Variants in KSR2 observed in about 807,000 individuals in gnomAD.
The protein encoded by KSR2 is kinase suppressor of ras 2.
Under a neutral mutation model 107.8 loss-of-function variants are expected in KSR2, and 25 were observed. The observed-to-expected ratio is 0.23, with a 90% CI of 0.17 to 0.32. The LOEUF (loss-of-function observed/expected upper bound fraction) is 0.32. Ranked by LOEUF, KSR2 falls within the 10% of genes least tolerant of loss-of-function variation. The probability of loss-of-function intolerance (pLI) is 1.00; values close to 1 mark genes in which losing one functional copy is unlikely to be tolerated. For synonymous variants in KSR2, 480 were observed against 507.0 expected (o/e 0.95, Z 0.71); for missense variants, 887 against 1,268.9 (o/e 0.70, Z 4.57).
chr12:117,938,632 C>T (rs1235052619), intron 1 of KSR2, among the ~76,000 whole-genome samples: 3 of 151,580 alleles, frequency 2.0e-5, no homozygotes, highest in Non-Finnish European at 4.4e-5. Context: ...CCCCAATAGT[C>T]CTAACTACTC....
chr12:117,963,636 T>G (rs981645260), intron 1 of KSR2, among the ~76,000 whole-genome samples: 1 of 152,114 alleles, frequency 6.6e-6, no homozygotes, highest in South Asian at 2.1e-4. Flanking sequence ...TATACTTTTC[T>G]ATTGTATGCA....
intron 9 of KSR2, among the ~76,000 whole-genome samples, chr12:117,551,086 C>T (rs887669751): frequency 1.8e-4 from 28 of 152,220 alleles, no homozygotes; most frequent in Admixed American, 1.7e-3. Flanking sequence ...GATTCAGCCT[C>T]TGCCACTACT....
At chr12:117,748,294 G>C (rs1361139546) in intron 4 of KSR2, among the ~76,000 whole-genome samples, 3 of 152,140 alleles carry the variant, frequency 2.0e-5, no homozygotes, top group Non-Finnish European at 4.4e-5. Context: ...TGGCAGGAAG[G>C]AGGCAGTGGA....
chr12:117,824,729 C>T (rs1020753399), intron 3 of KSR2, among the ~76,000 whole-genome samples: 12 of 151,566 alleles, frequency 7.9e-5, no homozygotes, highest in Admixed American at 4.6e-4. Context: ...TGGTGGCAGG[C>T]GCCTGTAGTC....
chr12:117,621,189 GT>G (rs1345367049), intron 5 of KSR2, among the ~76,000 whole-genome samples: 1 of 152,112 alleles, frequency 6.6e-6, no homozygotes, highest in Non-Finnish European at 1.5e-5. Flanking sequence ...AGTTTTTCCT[GT>G]GCTTTCACAT....
At chr12:117,740,439 TAA>T (rs200838295) in intron 4 of KSR2, among the ~76,000 whole-genome samples, 1 of 81,638 alleles carries the variant, frequency 1.2e-5, no homozygotes, top group Non-Finnish European at 3.0e-5. Flanking sequence ...TATATTACAT[TAA>T]TATATGTATA....
At chr12:117,602,371 T>C (rs868280342) in intron 5 of KSR2, among the ~76,000 whole-genome samples, 8 of 152,348 alleles carry the variant, frequency 5.3e-5, no homozygotes, top group Middle Eastern at 3.4e-3. Flanking sequence ...CTGTACCCAC[T>C]AAGCGATCAT....
intron 14 of KSR2, among the ~76,000 whole-genome samples, chr12:117,503,964 C>T (rs547079170): frequency 2.0e-5 from 3 of 152,278 alleles, no homozygotes; most frequent in Admixed American, 6.5e-5. Context: ...TAGTTCTTTT[C>T]CAAATGCCCA....
intron 7 of KSR2, among the ~76,000 whole-genome samples, chr12:117,568,746 C>T (rs748803987): frequency 3.9e-5 from 6 of 152,198 alleles, no homozygotes; most frequent in African/African-American, 7.2e-5. Flanking sequence ...ATCATTATCA[C>T]ATCTAATCCC....
chr12:117,626,284 T>C (rs1407745736), intron 5 of KSR2, among the ~76,000 whole-genome samples: 1 of 152,206 alleles, frequency 6.6e-6, no homozygotes, highest in Non-Finnish European at 1.5e-5. Context: ...CTAGTTCTTT[T>C]AATTGTGATG....
chr12:117,887,304 G>C (rs899944582), intron 1 of KSR2, among the ~76,000 whole-genome samples: 3 of 151,746 alleles, frequency 2.0e-5, no homozygotes. Context: ...GTCTTGCTAT[G>C]TTGCCCAGGC....
intron 4 of KSR2, among the ~76,000 whole-genome samples, chr12:117,739,550 C>T (rs1367954474): frequency 6.6e-6 from 1 of 152,076 alleles, no homozygotes. Context: ...ATATCACTGG[C>T]CCTCGATAAT....
At chr12:117,592,449 G>A (rs1432509211) in intron 5 of KSR2, among the ~76,000 whole-genome samples, 1 of 152,034 alleles carries the variant, frequency 6.6e-6, no homozygotes, top group Non-Finnish European at 1.5e-5. Flanking sequence ...CCACCACCTG[G>A]TGTCTGAGAC....
At chr12:117,480,318 C>T (rs528400262) in intron 16 of KSR2, among the ~76,000 whole-genome samples, 13 of 152,248 alleles carry the variant, frequency 8.5e-5, no homozygotes, top group Middle Eastern at 3.4e-3. Flanking sequence ...GTGGTGACCA[C>T]GCCTGGCACG....
At chr12:117,718,796 A>G (rs540090161) in intron 4 of KSR2, among the ~76,000 whole-genome samples, 10 of 152,166 alleles carry the variant, frequency 6.6e-5, no homozygotes, top group Non-Finnish European at 1.3e-4. Context: ...ACATGCCAAC[A>G]CCAGCTCTGG....
chr12:117,949,714 C>A (rs1896303880), intron 1 of KSR2, among the ~76,000 whole-genome samples: 1 of 152,144 alleles, frequency 6.6e-6, no homozygotes. Flanking sequence ...CAAAATTCAT[C>A]TATGGTGGAA....
At chr12:117,888,451 G>C (rs1459518867) in intron 1 of KSR2, among the ~76,000 whole-genome samples, 1 of 152,182 alleles carries the variant, frequency 6.6e-6, no homozygotes, top group African/African-American at 2.4e-5. Context: ...CTGAATGTGT[G>C]TCCCCAAAAG....
At position 117,620,945 on chromosome 12, in the gene KSR2, T is replaced by A. The variant is rs541495376; in HGVS notation, c.1172-38586A>T. Among the ~76,000 whole-genome samples, 128 of 152,260 alleles carry A rather than the reference T, an allele frequency of 8.4e-4. 1 individual carries two copies. Among genetic ancestry groups the A allele is most frequent in the African/African-American group, 3.0e-3 (124 of 41,570 alleles). On this transcript the variant is annotated intron_variant, in intron 5 of 19. Coordinates refer to ENST00000339824, the MANE Select transcript of KSR2 (RefSeq NM_173598.6). Reference sequence around the variant, plus strand: ...TAGTAAGCCCCTTCCATCTGTAAATTACTGTGGGAATATTAGAGGATATAT... The same window carrying A: ...TAGTAAGCCCCTTCCATCTGTAAATAACTGTGGGAATATTAGAGGATATAT...
At chr12:117,469,605 G>C in intron 19 of KSR2, 57 bp downstream of exon 19, 1 of 1,586,096 alleles carries the variant, frequency 6.3e-7, no homozygotes, top group Admixed American at 1.8e-5. Context: ...GGATCAAAAA[G>C]GTGACAAAGG....
Sources: allele counts gnomAD v4.1 joint callset (sites outside exome capture counted in the v4.1 genomes callset), GRCh38; gene constraint gnomAD v4.1.1; transcripts MANE v1.5; gene names NCBI Gene and HGNC (gene_info 2026-07-23, HGNC 2026-07-21).